Variants in OSBPL1A observed in about 807,000 individuals in gnomAD.
The protein encoded by OSBPL1A is oxysterol binding protein like 1A.
Under a neutral mutation model 137.1 loss-of-function variants are expected in OSBPL1A, and 80 were observed. The observed-to-expected ratio is 0.58, with a 90% CI of 0.49 to 0.70. OSBPL1A has a LOEUF of 0.70. OSBPL1A is among the 30% of genes least tolerant of loss of function. The probability of loss-of-function intolerance (pLI) is 0.00; values close to 1 mark genes in which losing one functional copy is unlikely to be tolerated. For synonymous variants in OSBPL1A, 365 were observed against 389.7 expected, an observed-to-expected ratio of 0.94 and a Z score of 0.75; for missense variants, 970 against 1,129.4, an observed-to-expected ratio of 0.86 and a Z score of 2.02.
intron 16 of OSBPL1A, among the ~76,000 whole-genome samples, chr18:24,229,436 G>C (rs2088197566): frequency 6.6e-6 from 1 of 152,232 alleles, no homozygotes; most frequent in African/African-American, 2.4e-5. Context: ...TGAATAGAGA[G>C]ATGTGGAATG....
At chr18:24,391,943 C>A (rs1907389131) in intron 1 of OSBPL1A, among the ~76,000 whole-genome samples, 1 of 152,030 alleles carries the variant, frequency 6.6e-6, no homozygotes, top group Non-Finnish European at 1.5e-5. Flanking sequence ...GCAACCTTCA[C>A]CTCCTGGGCT....
intron 1 of OSBPL1A, among the ~76,000 whole-genome samples, chr18:24,396,224 T>TAAAA (rs372296881): frequency 1.4e-5 from 2 of 139,974 alleles, no homozygotes; most frequent in Non-Finnish European, 3.1e-5. Flanking sequence ...TGTCTCAATT[T>TAAAA]AAAAAAAAAA....
chr18:24,357,695 C>G (rs529834357), intron 4 of OSBPL1A: 2 of 152,030 alleles, frequency 1.3e-5, no homozygotes, highest in African/African-American at 4.8e-5. Context: ...TTCTTCTCCA[C>G]GAGGCTAGGA....
chr18:24,223,241 G>A (rs2087950498), intron 17 of OSBPL1A, among the ~76,000 whole-genome samples: 1 of 151,758 alleles, frequency 6.6e-6, no homozygotes, highest in Admixed American at 6.6e-5. Context: ...GAATACTCTT[G>A]TTTCCTATTC....
Position 24,277,416 on chromosome 18 carries a change from C to T in OSBPL1A, c.1281+3426G>A, listed in dbSNP as rs4396608. ...AAAAACAGCGTTGCTGCTGTGGGGG[C>T]TGGGGTCACTTACATCTACTGGATC... On this transcript the variant is annotated intron_variant, in intron 15 of 27. Transcript: ENST00000319481. 3.2e-3 allele frequency among the ~76,000 whole-genome samples: 488 copies of T among 152,302 alleles called. 5 individuals are homozygous for T. Among genetic ancestry groups the T allele is most frequent in the African/African-American group, 0.011 (447 of 41,558 alleles).
chr18:24,283,313 T>TATAC (rs1555644526), intron 14 of OSBPL1A, among the ~76,000 whole-genome samples: 8 of 130,382 alleles, frequency 6.1e-5, no homozygotes, highest in African/African-American at 1.1e-4. Context: ...TGTATATATA[T>TATAC]ACACACACAC....
At chr18:24,215,771 A>T (rs2087679432) in intron 17 of OSBPL1A, among the ~76,000 whole-genome samples, 2 of 152,240 alleles carry the variant, frequency 1.3e-5, no homozygotes, top group African/African-American at 4.8e-5. Flanking sequence ...AGATGTGGGC[A>T]GAAGAAACAG....
intron 16 of OSBPL1A, among the ~76,000 whole-genome samples, chr18:24,226,887 A>ATTTTTTTTTTTTTTTTT (rs5823416): frequency 9.9e-6 from 1 of 100,858 alleles, no homozygotes. Flanking sequence ...AAAGAAACAG[A>ATTTTTTTTTTTTTTTTT]TTTTTTTTTT....
chr18:24,284,447 G>C (rs555041982), intron 14 of OSBPL1A, among the ~76,000 whole-genome samples: 19 of 152,280 alleles, frequency 1.2e-4, no homozygotes, highest in Admixed American at 3.3e-4. Context: ...TGAAAGCTGT[G>C]AGAAGATCAT....
In OSBPL1A at chr18:24,162,576, T is replaced by G. The variant is rs2086044168; in HGVS notation, c.*603A>C. 2 of 152,224 alleles carry G rather than the reference T, an allele frequency of 1.3e-5. No individual in the cohort carries two copies. The highest frequency in any genetic ancestry group is 4.1e-4 in the South Asian group (2 of 4,834). The allele number at this position is 152,224 out of a possible 1,614,324, so 9.4% of individuals were successfully genotyped here. On this transcript the variant is annotated 3_prime_UTR_variant, in exon 28 of 28. Coordinates refer to ENST00000319481, the MANE Select transcript of OSBPL1A (RefSeq NM_080597.4). ...AAATGAAATACTTTTCCAGTTTAAT[T>G]CTTTAGAATTTTCAAATCAGAAATA...
At chr18:24,266,874 G>C (rs2089589362) in intron 15 of OSBPL1A, among the ~76,000 whole-genome samples, 1 of 151,916 alleles carries the variant, frequency 6.6e-6, no homozygotes, top group African/African-American at 2.4e-5. Flanking sequence ...GAATTATCCA[G>C]GTTCAAAAGA....
chr18:24,383,771 G>T (rs1906770259), intron 1 of OSBPL1A, among the ~76,000 whole-genome samples: 1 of 152,142 alleles, frequency 6.6e-6, no homozygotes, highest in African/African-American at 2.4e-5. Flanking sequence ...AATAAATAAA[G>T]AAATCTATTA....
chr18:24,317,469 T>C (rs1443714919), intron 9 of OSBPL1A, 69 bp from the exon 10 acceptor site: 5 of 1,210,804 alleles, frequency 4.1e-6, no homozygotes, highest in African/African-American at 1.5e-5. Context: ...TGATAAAAAG[T>C]AATTAAGTGA....
intron 26 of OSBPL1A, among the ~76,000 whole-genome samples, chr18:24,165,759 C>T (rs1035896668): frequency 1.3e-5 from 2 of 152,078 alleles, no homozygotes; most frequent in African/African-American, 4.8e-5. Flanking sequence ...GGGAAAAATG[C>T]CCCCCTTTTG....
chr18:24,372,547 C>T (rs1039312036), intron 2 of OSBPL1A, among the ~76,000 whole-genome samples: 13 of 152,228 alleles, frequency 8.5e-5, no homozygotes, highest in African/African-American at 2.7e-4. Flanking sequence ...CCCCTCCTCA[C>T]TCAACAGCAG....
intron 21 of OSBPL1A, among the ~76,000 whole-genome samples, chr18:24,175,108 GTATATATATATATA>G (rs71163664): frequency 4.5e-5 from 5 of 111,496 alleles, no homozygotes; most frequent in African/African-American, 1.4e-4. Flanking sequence ...CCATGTGTAT[GTATATATATATATA>G]TATATATATA....
intron 17 of OSBPL1A, among the ~76,000 whole-genome samples, chr18:24,221,696 C>G (rs1231725754): frequency 6.6e-6 from 1 of 152,184 alleles, no homozygotes; most frequent in East Asian, 1.9e-4. Flanking sequence ...ACCAAACCAT[C>G]TATTCTTTCC....
intron 2 of OSBPL1A, among the ~76,000 whole-genome samples, chr18:24,372,765 C>A (rs1444432645): frequency 6.6e-6 from 1 of 152,102 alleles, no homozygotes; most frequent in Non-Finnish European, 1.5e-5. Context: ...ATCAAGAAAT[C>A]AAAATTTCCA....
intron 15 of OSBPL1A, among the ~76,000 whole-genome samples, chr18:24,241,776 G>T (rs935006352): frequency 5.9e-5 from 9 of 152,158 alleles, no homozygotes; most frequent in Non-Finnish European, 1.2e-4. Flanking sequence ...CCATTACTGG[G>T]TATATACCCA....
Sources: gnomAD v4.1 joint callset for allele counts (sites outside exome capture counted in the v4.1 genomes callset) on GRCh38, gnomAD v4.1.1 for gene constraint, MANE v1.5 for transcripts, NCBI Gene and HGNC (gene_info 2026-07-23, HGNC 2026-07-21) for gene names.